The following JAK2 variants were observed in gnomAD, a reference collection of about 807,000 sequenced individuals.
JAK2 encodes tyrosine-protein kinase JAK2.
JAK2 carries 86 observed loss-of-function variants against 139.3 expected under a neutral mutation model. The ratio of observed to expected loss-of-function variants is 0.62; its 90% CI spans 0.52 to 0.74. The LOEUF is 0.74. JAK2 is among the 30% of genes least tolerant of loss of function. The pLI is 0.00. For missense variants in JAK2, 1,421 were observed against 1,360.3 expected, an observed-to-expected ratio of 1.04 and a Z score of -0.70; for synonymous variants, 490 against 437.7, an observed-to-expected ratio of 1.12 and a Z score of -1.49.
intron 22 of JAK2, among the ~76,000 whole-genome samples, chr9:5,093,288 A>G (rs778624868): frequency 3.3e-5 from 5 of 152,196 alleles, no homozygotes; most frequent in Non-Finnish European, 7.4e-5. Context: ...CCTGTTTACC[A>G]AAAACATCAC....
intron 4 of JAK2, 37 bp from the exon 5 acceptor site, chr9:5,044,366 A>G (rs776456686): frequency 3.0e-6 from 4 of 1,320,934 alleles, no homozygotes; most frequent in Non-Finnish European, 4.4e-6. Flanking sequence ...TATTTGAACT[A>G]TTTGGAAGCT....
At chr9:5,041,216 G>T in intron 4 of JAK2, 1 of 1,469,700 alleles carries the variant, frequency 6.8e-7, no homozygotes. Flanking sequence ...GAACTTCCTG[G>T]TGGGGCGCCC....
At chr9:5,080,892 CTTTTTT>C (rs33925764) in intron 18 of JAK2, among the ~76,000 whole-genome samples, 2 of 95,616 alleles carry the variant, frequency 2.1e-5, no homozygotes, top group Non-Finnish European at 1.9e-5. Flanking sequence ...AAGACCTTTT[CTTTTTT>C]TTTTTTTTTT....
At chr9:5,100,403 A>G (rs969174526) in intron 22 of JAK2, 3 of 152,242 alleles carry the variant, frequency 2.0e-5, no homozygotes, top group African/African-American at 7.2e-5. Flanking sequence ...CTGTATACCA[A>G]TGATGATGTG....
chr9:5,110,832 C>T (rs1034384079), intron 22 of JAK2: 21 of 453,188 alleles, frequency 4.6e-5, no homozygotes, highest in Middle Eastern at 6.8e-4. Context: ...CCCGTTTGTT[C>T]GGGGAAGGTG....
At chr9:5,101,587 G>A (rs1476683229) in intron 22 of JAK2, among the ~76,000 whole-genome samples, 3 of 152,260 alleles carry the variant, frequency 2.0e-5, no homozygotes, top group Non-Finnish European at 4.4e-5. Flanking sequence ...GTGGATCCCT[G>A]ATGCTTCTGT....
chr9:5,041,338 AG>A, intron 4 of JAK2: 1 of 675,206 alleles, frequency 1.5e-6, no homozygotes, highest in Non-Finnish European at 2.6e-6. Flanking sequence ...AGAGCTTGAC[AG>A]GTACGGCGTG....
chr9:5,098,620 C>T (rs1288582200), intron 22 of JAK2: 1 of 152,068 alleles, frequency 6.6e-6, no homozygotes, highest in Non-Finnish European at 1.5e-5. Context: ...TAATCCTTCC[C>T]TTACTGTCAA....
At chr9:5,090,663 G>A (rs2130681751) in intron 21 of JAK2, 76 bp from the exon 22 acceptor site, 3 of 1,510,276 alleles carry the variant, frequency 2.0e-6, no homozygotes, top group South Asian at 1.3e-5. Flanking sequence ...GATAATAAAG[G>A]GAATATATAG....
At chr9:5,085,777 G>T in intron 19 of JAK2, 1 of 754,316 alleles carries the variant, frequency 1.3e-6, no homozygotes, top group Non-Finnish European at 2.5e-6. Flanking sequence ...GAGTTATTAT[G>T]ATGAATATTA....
chr9:5,078,259 G>A (rs1819446277), intron 15 of JAK2, 47 bp from the exon 16 acceptor site: 1 of 1,517,394 alleles, frequency 6.6e-7, no homozygotes, highest in Non-Finnish European at 9.0e-7. Context: ...AAATGCTCCA[G>A]TACTTGTGGA....
At chr9:5,117,241 T>C (rs1174946879) in intron 22 of JAK2, among the ~76,000 whole-genome samples, 3 of 152,356 alleles carry the variant, frequency 2.0e-5, no homozygotes, top group African/African-American at 7.2e-5. Flanking sequence ...CATTGTCAGG[T>C]ACTCTGTTAT....
rs1018117179 is a variant in JAK2, at chr9:5,021,693, G to A, written c.-25-270G>A. ...CCAGACTGGAGTGCGGTGGAGTGCG[G>A]AGGTTTGCTGCAGCCTCATCCTCCC... On this transcript the variant is annotated intron_variant, in intron 2 of 24. Coordinates refer to ENST00000381652, the MANE Select transcript of JAK2 (RefSeq NM_004972.4). 6.6e-5 allele frequency among the ~76,000 whole-genome samples: 10 copies of A among 152,080 alleles called. 1 individual carries two copies. The highest frequency in any genetic ancestry group is 2.2e-4 in the African/African-American group (9 of 41,384).
Position 5,054,992 on chromosome 9 carries a change from A to G in JAK2, c.936+108A>G. The G allele has an allele frequency of 1.3e-6, 1 of 770,924 alleles. No homozygotes were observed. The highest frequency in any genetic ancestry group is 2.0e-6 in the Non-Finnish European group (1 of 493,852). 47.8% of individuals were successfully genotyped at this position (770,924 alleles called of 1,614,324 possible). ...CATGGTATTGCACTTCTCCCATTTG[A>G]TAGAAGTGGAAGTTTTTAATAGCGT... On this transcript the variant is annotated intron_variant, in intron 7 of 24. Transcript: ENST00000381652. The surrounding 1 kb of genome is among the most constrained non-coding windows in gnomAD (Gnocchi z 4.9).
rs774421279 is a variant in JAK2 at position 5,126,840 on chromosome 9, T to A, written c.*49T>A. 7.0e-5 allele frequency: 80 copies of A among 1,144,736 alleles called. No individual in the cohort carries two copies. Among genetic ancestry groups the A allele is most frequent in the Non-Finnish European group, 5.6e-5 (43 of 768,922 alleles). The allele number at this position is 1,144,736 out of a possible 1,614,324, so 70.9% of individuals were successfully genotyped here. On this transcript the variant is annotated 3_prime_UTR_variant, in exon 25 of 25. Transcript: ENST00000381652. ...CCAAAGTAGATTTACAGAACAAAGT[T>A]TTATATTTCACATTGCTGTGGACTA...
intron 22 of JAK2, chr9:5,099,769 A>G (rs1468736149): frequency 1.3e-5 from 2 of 152,214 alleles, no homozygotes; most frequent in East Asian, 1.9e-4. Flanking sequence ...ATCCCTTATA[A>G]TAATATCCCT....
At position 5,046,474 on chromosome 9, in the gene JAK2, C is replaced by A. The variant is rs1275808393; in HGVS notation, c.468+1954C>A. ...TGGTGTCATATCCAAGAAATCATTG[C>A]CAAATCCAATGTTATGAACCTTTCT... On this transcript the variant is annotated intron_variant, in intron 5 of 24. Transcript: ENST00000381652. Among the ~76,000 whole-genome samples the A allele has an allele frequency of 2.0e-5, 3 of 152,084 alleles. No individual in the cohort carries two copies. The East Asian group carries it at 5.8e-4, about 29-fold the overall frequency.
Position 5,072,514 on chromosome 9 carries a change from C to T in JAK2, c.1664C>T (p.Thr555Ile). 2 of 1,594,342 alleles carry T rather than the reference C, an allele frequency of 1.3e-6. No homozygotes were observed. Among genetic ancestry groups the T allele is most frequent in the Non-Finnish European group, 1.7e-6 (2 of 1,168,896 alleles). ...LIFNESLGQGTFTKIFKGVRR... is the reference protein window; with the variant it reads ...LIFNESLGQGIFTKIFKGVRR... ...AAGAATGAAAGCCTTGGCCAAGGCA[C>T]TTTTACAAAGATTTTTAAAGGCGTA... The change falls in exon 13 of 25, where the codon ACT becomes ATT. Residue 555 changes from threonine (T) to isoleucine (I), a missense_variant. Thr to Ile is a moderately conservative substitution (Grantham distance 89, BLOSUM62 -1). Transcript: ENST00000381652.
At chr9:5,122,018 A>T (rs1200063752) in intron 22 of JAK2, among the ~76,000 whole-genome samples, 2 of 152,188 alleles carry the variant, frequency 1.3e-5, no homozygotes, top group East Asian at 3.8e-4. Context: ...TGTAAAAAGA[A>T]TATAGCATTA....
Sources: gnomAD v4.1 joint callset for allele counts (sites outside exome capture counted in the v4.1 genomes callset) on GRCh38, gnomAD v4.1.1 for gene constraint, Gnocchi (gnomAD v3.1) non-coding constraint, MANE v1.5 for transcripts, NCBI Gene and HGNC (gene_info 2026-07-23, HGNC 2026-07-21) for gene names.